Variants in FAM135B observed in about 807,000 individuals in gnomAD.
FAM135B encodes the protein protein FAM135B.
Under a neutral mutation model 127.7 loss-of-function variants are expected in FAM135B, and 43 were observed. The observed-to-expected ratio is 0.34, with a 90% CI of 0.26 to 0.43. The LOEUF (loss-of-function observed/expected upper bound fraction) is 0.43. Ranked by LOEUF, FAM135B falls within the 20% of genes least tolerant of loss-of-function variation. The pLI is 1.00. For synonymous variants in FAM135B, 670 were observed against 665.1 expected (o/e 1.01, Z -0.11); for missense variants, 1,558 against 1,725.6 (o/e 0.90, Z 1.72).
chr8:138,322,372 C>T (rs112611525), intron 2 of FAM135B, among the ~76,000 whole-genome samples: 3 of 152,200 alleles, frequency 2.0e-5, no homozygotes, highest in African/African-American at 7.2e-5. Flanking sequence ...GGAGGAGACC[C>T]TCTCCTGTGC....
rs376876532 is a variant in FAM135B, at chr8:138,151,419, G to C, written c.3056C>G (p.Thr1019Ser). The change falls in exon 13 of 20, where the codon ACC becomes AGC. Residue 1019 changes from threonine (T) to serine (S), a missense_variant. By Grantham distance (58) the Thr-to-Ser change is moderately conservative. Coordinates refer to ENST00000395297, the MANE Select transcript of FAM135B (RefSeq NM_015912.4). ...IMGSHLTSAE[T>S]FTLDSLKAVE... ...AGCCTTCAGGCTGTCCAGAGTAAAG[G>C]TCTCTGCAGAAGTCAGATGGGACCC... 6.2e-7 allele frequency: 1 copy of C among 1,614,076 alleles called. No homozygotes were observed. Among genetic ancestry groups the C allele is most frequent in the Non-Finnish European group, 8.5e-7 (1 of 1,179,972 alleles).
At chr8:138,199,849 C>T (rs562120187) in intron 7 of FAM135B, among the ~76,000 whole-genome samples, 202 of 152,326 alleles carry the variant, frequency 1.3e-3, no homozygotes, top group African/African-American at 4.7e-3. Flanking sequence ...GATCCAATCA[C>T]CTCCTCCCTC....
At chr8:138,449,473 G>A (rs915567809) in intron 1 of FAM135B, among the ~76,000 whole-genome samples, 1 of 152,012 alleles carries the variant, frequency 6.6e-6, no homozygotes, top group African/African-American at 2.4e-5. Context: ...GTGGGGAGGG[G>A]GGCAGTAGTG....
rs75644603 is a variant in FAM135B at position 138,278,687 on chromosome 8, C to T, written c.158-12845G>A. Among the ~76,000 whole-genome samples, 1,133 of 150,458 alleles carry T rather than the reference C, an allele frequency of 7.5e-3. 53 individuals carry two copies. In the East Asian group the frequency reaches 0.15, roughly 20 times the overall value. On this transcript the variant is annotated intron_variant, in intron 3 of 19. Transcript: ENST00000395297. ...AAGCGATTTTCCTACCTCAGCCTCC[C>T]AAGTAGCTGGGACTATAGGTGCCCA...
chr8:138,347,409 C>T (rs886384318), intron 2 of FAM135B, among the ~76,000 whole-genome samples: 3 of 152,120 alleles, frequency 2.0e-5, no homozygotes, highest in Non-Finnish European at 4.4e-5. Context: ...AGTCTGGGAT[C>T]CTTAACCCTG....
At chr8:138,206,412 C>T (rs1430204264) in intron 7 of FAM135B, among the ~76,000 whole-genome samples, 2 of 141,110 alleles carry the variant, frequency 1.4e-5, no homozygotes, top group East Asian at 2.2e-4. Flanking sequence ...GCTCTATCGT[C>T]CCCTCCACCT....
intron 2 of FAM135B, among the ~76,000 whole-genome samples, chr8:138,361,811 T>C (rs1405991514): frequency 6.6e-6 from 1 of 152,158 alleles, no homozygotes; most frequent in Non-Finnish European, 1.5e-5. Flanking sequence ...ACATCCATCC[T>C]TAAAGTGACA....
At chr8:138,406,297 C>A (rs1248872044) in intron 1 of FAM135B, among the ~76,000 whole-genome samples, 1 of 152,088 alleles carries the variant, frequency 6.6e-6, no homozygotes, top group Non-Finnish European at 1.5e-5. Flanking sequence ...AGTCTAGGAG[C>A]AGATGGATTC....
intron 1 of FAM135B, among the ~76,000 whole-genome samples, chr8:138,396,726 G>A (rs757496508): frequency 6.6e-6 from 1 of 152,008 alleles, no homozygotes; most frequent in Admixed American, 6.6e-5. Context: ...ACTTTACCTC[G>A]CTCAGGAAAA....
At chr8:138,293,121 C>T (rs1451227186) in intron 3 of FAM135B, among the ~76,000 whole-genome samples, 1 of 152,040 alleles carries the variant, frequency 6.6e-6, no homozygotes, top group Non-Finnish European at 1.5e-5. Flanking sequence ...TGATCTTCAG[C>T]AAAGCCTACA....
At chr8:138,297,273 T>A (rs961580146) in intron 3 of FAM135B, among the ~76,000 whole-genome samples, 16 of 152,172 alleles carry the variant, frequency 1.1e-4, no homozygotes, top group African/African-American at 3.1e-4. Flanking sequence ...GAATATTAAT[T>A]CCGTGACAAG....
chr8:138,428,214 C>A (rs1489097846), intron 1 of FAM135B, among the ~76,000 whole-genome samples: 1 of 152,102 alleles, frequency 6.6e-6, no homozygotes, highest in Non-Finnish European at 1.5e-5. Flanking sequence ...ATTGTCCTCC[C>A]ATTTTTAAAT....
intron 1 of FAM135B, among the ~76,000 whole-genome samples, chr8:138,375,487 C>T (rs1318132017): frequency 6.6e-6 from 1 of 151,966 alleles, no homozygotes; most frequent in Non-Finnish European, 1.5e-5. Flanking sequence ...TACAAAACTC[C>T]CTAAACCTCA....
chr8:138,323,537 C>T (rs1042011350), intron 2 of FAM135B, among the ~76,000 whole-genome samples: 1 of 152,282 alleles, frequency 6.6e-6, no homozygotes, highest in East Asian at 1.9e-4. Context: ...TATTAAAAAG[C>T]CATTTGCTAA....
chr8:138,472,461 T>C (rs1837735196), intron 1 of FAM135B, among the ~76,000 whole-genome samples: 1 of 152,132 alleles, frequency 6.6e-6, no homozygotes, highest in African/African-American at 2.4e-5. Flanking sequence ...GGACAGTCCC[T>C]GCGCTGTTCT....
intron 11 of FAM135B, 73 bp downstream of exon 11, chr8:138,177,274 G>A: frequency 7.2e-7 from 1 of 1,390,628 alleles, no homozygotes; most frequent in Non-Finnish European, 1.0e-6. Flanking sequence ...GTGAGAAAGT[G>A]AAGAGTAACT....
intron 12 of FAM135B, among the ~76,000 whole-genome samples, chr8:138,166,222 A>G (rs1467726406): frequency 6.6e-6 from 1 of 152,240 alleles, no homozygotes; most frequent in Non-Finnish European, 1.5e-5. Flanking sequence ...CCTCCAGCAC[A>G]GAGCCTGATG....
intron 7 of FAM135B, among the ~76,000 whole-genome samples, chr8:138,210,766 T>C (rs1160908712): frequency 1.3e-5 from 2 of 152,156 alleles, no homozygotes; most frequent in Non-Finnish European, 2.9e-5. Context: ...ACGATATCAA[T>C]AGGCTTTCTA....
At chr8:138,353,969 T>C (rs1829932452) in intron 2 of FAM135B, among the ~76,000 whole-genome samples, 1 of 152,120 alleles carries the variant, frequency 6.6e-6, no homozygotes, top group Admixed American at 6.6e-5. Context: ...TATTGACTAA[T>C]TCACCCAAGG....
Sources: gnomAD v4.1 joint callset for allele counts (sites outside exome capture counted in the v4.1 genomes callset) on GRCh38, gnomAD v4.1.1 for gene constraint, MANE v1.5 for transcripts, NCBI Gene and HGNC (gene_info 2026-07-23, HGNC 2026-07-21) for gene names.